Variants in RILPL1 observed in about 807,000 individuals in gnomAD.
The protein encoded by RILPL1 is Rab interacting lysosomal protein like 1.
RILPL1 carries 33 observed loss-of-function variants against 50.3 expected under a neutral mutation model. The ratio of observed to expected loss-of-function variants is 0.66; its 90% CI spans 0.50 to 0.88. The LOEUF (loss-of-function observed/expected upper bound fraction) is 0.88. Among genes scored for constraint, RILPL1 ranks in the 40% least tolerant of loss-of-function variants. The probability of loss-of-function intolerance (pLI) is 0.00; values close to 1 mark genes in which losing one functional copy is unlikely to be tolerated. For synonymous variants in RILPL1, 205 were observed against 228.6 expected (o/e 0.90, Z 0.93); for missense variants, 418 against 542.5 (o/e 0.77, Z 2.28).
chr12:123,515,434 T>C (rs566486119), intron 2 of RILPL1: 1 of 151,482 alleles, frequency 6.6e-6, no homozygotes, highest in Admixed American at 6.6e-5. Context: ...AGTGAATATA[T>C]ACTACAGTGT....
At chr12:123,526,739 G>A (rs1291537814) in intron 1 of RILPL1, among the ~76,000 whole-genome samples, 1 of 152,222 alleles carries the variant, frequency 6.6e-6, no homozygotes, top group African/African-American at 2.4e-5. Context: ...CACAGAGGGC[G>A]CAAGGTCACC....
At chr12:123,476,777 A>C (rs1050820301) in intron 6 of RILPL1, among the ~76,000 whole-genome samples, 1 of 152,224 alleles carries the variant, frequency 6.6e-6, no homozygotes, top group African/African-American at 2.4e-5. Flanking sequence ...ACTGTTATTG[A>C]AGCCCCTGAG....
intron 2 of RILPL1, among the ~76,000 whole-genome samples, chr12:123,509,172 G>T (rs1883935256): frequency 6.6e-6 from 1 of 151,700 alleles, no homozygotes; most frequent in Non-Finnish European, 1.5e-5. Flanking sequence ...AACAAAAATA[G>T]CCAAGAAGTG....
intron 2 of RILPL1, among the ~76,000 whole-genome samples, chr12:123,516,033 C>CAAAAA (rs749657516): frequency 0.032 from 1,164 of 36,176 alleles, 160 homozygotes; most frequent in African/African-American, 0.094. Flanking sequence ...GACTCTGTCT[C>CAAAAA]AAAAAAAAAA....
At position 123,498,026 on chromosome 12, in the gene RILPL1, G is replaced by C. The variant is rs1883139004; in HGVS notation, c.801+518C>G. On this transcript the variant is annotated intron_variant, in intron 4 of 6. Transcript: ENST00000376874. This position sits in a 1 kb window ranked among gnomAD's most constrained non-coding sequence, Gnocchi z 4.3. ...TGGACAGGGATCATGTCTGTATTTT[G>C]CTCGCTATTTTATCCTCTGGGCCGG... Among the ~76,000 whole-genome samples the C allele has an allele frequency of 6.6e-6, 1 of 152,116 alleles. No individual in the cohort carries two copies. The highest frequency in any genetic ancestry group is 1.5e-5 in the Non-Finnish European group (1 of 68,020).
intron 4 of RILPL1, among the ~76,000 whole-genome samples, chr12:123,490,588 CTCTT>C (rs889143022): frequency 1.2e-4 from 18 of 152,032 alleles, no homozygotes; most frequent in Non-Finnish European, 2.2e-4. Context: ...AGTCCTTACT[CTCTT>C]TTTTTTTTAA....
chr12:123,478,586 G>C (rs1305905734), intron 6 of RILPL1, among the ~76,000 whole-genome samples: 1 of 150,956 alleles, frequency 6.6e-6, no homozygotes, highest in African/African-American at 2.4e-5. Context: ...CGAGGGGGGT[G>C]GTGGGTGGGA....
chr12:123,519,743 G>C (rs538562900), intron 2 of RILPL1: 23 of 152,332 alleles, frequency 1.5e-4, no homozygotes, highest in African/African-American at 4.6e-4. Context: ...ACCACGAAAG[G>C]CATGCCTGGC....
intron 2 of RILPL1, among the ~76,000 whole-genome samples, chr12:123,509,788 A>C (rs1181155150): frequency 6.6e-6 from 1 of 152,206 alleles, no homozygotes; most frequent in Admixed American, 6.5e-5. Flanking sequence ...GCACACAGTA[A>C]ACACCGCTGC....
At chr12:123,477,869 CAA>C (rs1334035561) in intron 6 of RILPL1, among the ~76,000 whole-genome samples, 4 of 151,794 alleles carry the variant, frequency 2.6e-5, no homozygotes, top group African/African-American at 7.3e-5. Context: ...CATTTTGCCT[CAA>C]GAGATGTTTG....
At chr12:123,478,598 G>A (rs1345158569) in intron 6 of RILPL1, among the ~76,000 whole-genome samples, 2 of 151,888 alleles carry the variant, frequency 1.3e-5, no homozygotes, top group Admixed American at 1.3e-4. Flanking sequence ...TGGGTGGGAG[G>A]ACAGGGATAG....
chr12:123,508,961 G>A (rs1340463323), intron 2 of RILPL1, among the ~76,000 whole-genome samples: 3 of 152,096 alleles, frequency 2.0e-5, no homozygotes, highest in South Asian at 2.1e-4. Context: ...TGAGGAGGGC[G>A]GATCACTTGA....
At chr12:123,514,715 C>T (rs548356295) in intron 2 of RILPL1, among the ~76,000 whole-genome samples, 8 of 152,112 alleles carry the variant, frequency 5.3e-5, no homozygotes, top group South Asian at 2.1e-4. Context: ...TGTGAGCCAC[C>T]GCCCCCAGCC....
rs1413499131 is a variant in RILPL1 at position 123,485,054 on chromosome 12, G to C, written c.974+579C>G. ...TATGCATCTCTTATCTTCCCCACTG[G>C]AGCAGGGACCACCTCTGGTGCATGG... On this transcript the variant is annotated intron_variant, in intron 5 of 6. Coordinates refer to ENST00000376874, the MANE Select transcript of RILPL1 (RefSeq NM_178314.5). The surrounding 1 kb of genome is among the most constrained non-coding windows in gnomAD (Gnocchi z 4.0). The C allele has an allele frequency of 2.3e-5, 10 of 436,120 alleles. No homozygotes were observed. Among genetic ancestry groups the C allele is most frequent in the African/African-American group, 1.8e-4 (9 of 49,316 alleles). The allele number at this position is 436,120 out of a possible 1,614,324, so 27.0% of individuals were successfully genotyped here.
At position 123,523,605 on chromosome 12, in the gene RILPL1, T is replaced by C. The variant is rs1240348674; in HGVS notation, c.350A>G (p.Gln117Arg). 1 of 1,613,860 alleles carries C rather than the reference T, an allele frequency of 6.2e-7. No individual in the cohort carries two copies. The highest frequency in any genetic ancestry group is 1.7e-5 in the Admixed American group (1 of 60,014). Residue 117 changes from glutamine to arginine, a missense_variant, in exon 2 of 7, where the codon CAG becomes CGG. Gln to Arg is a conservative substitution (Grantham distance 43). Coordinates refer to ENST00000376874, the MANE Select transcript of RILPL1 (RefSeq NM_178314.5). ...LVEDVWRGEA[Q>R]DLLSQIAQLQ... ...CTGGGCGATCTGGGAGAGGAGGTCCTGCGCCTCCCCTCGCCACACATCCTC... is the reference window on the plus strand; with the variant it reads ...CTGGGCGATCTGGGAGAGGAGGTCCCGCGCCTCCCCTCGCCACACATCCTC...
chr12:123,483,789 G>C (rs1396668114), intron 6 of RILPL1, among the ~76,000 whole-genome samples: 1 of 152,130 alleles, frequency 6.6e-6, no homozygotes, highest in Non-Finnish European at 1.5e-5. Flanking sequence ...GGTGGACCCA[G>C]GGCCACCTGA....
rs561590578 is a variant in RILPL1, at chr12:123,489,767, G to A, written c.802-3962C>T. Among the ~76,000 whole-genome samples the A allele has an allele frequency of 9.9e-5, 15 of 152,158 alleles. No homozygotes were observed. The highest frequency in any genetic ancestry group is 5.2e-4 in the Admixed American group (8 of 15,252). On this transcript the variant is annotated intron_variant, in intron 4 of 6. Transcript: ENST00000376874. This position sits in a 1 kb window ranked among gnomAD's most constrained non-coding sequence, Gnocchi z 4.0. ...TGGTCTCTATGCATGGGGTCTTGAC[G>A]AATATGTAGGAGTTCACCAGGAACT... is the stretch of plus-strand genomic sequence containing the variant.
At chr12:123,521,637 ATGTGT>A (rs1885042103) in intron 2 of RILPL1, among the ~76,000 whole-genome samples, 8 of 17,546 alleles carry the variant, frequency 4.6e-4, no homozygotes, top group South Asian at 1.2e-3. Context: ...ATACACACAT[ATGTGT>A]ATATATATAC....
intron 5 of RILPL1, 94 bp from the exon 6 acceptor site, chr12:123,484,366 T>G: frequency 1.1e-6 from 1 of 869,774 alleles, no homozygotes; most frequent in South Asian, 1.4e-5. Flanking sequence ...TCTGAGAGGG[T>G]GCATGCTTTT....
Sources: allele counts gnomAD v4.1 joint callset (sites outside exome capture counted in the v4.1 genomes callset), GRCh38; gene constraint gnomAD v4.1.1; non-coding constraint Gnocchi (gnomAD v3.1); transcripts MANE v1.5; gene names NCBI Gene and HGNC (gene_info 2026-07-23, HGNC 2026-07-21).